CFI: variants seen among roughly 807,000 people sequenced by gnomAD.
CFI encodes C3B/C4B inactivator.
Under a neutral mutation model 78.8 loss-of-function variants are expected in CFI, and 66 were observed. That is an observed-to-expected ratio of 0.84 (90% confidence interval 0.69 to 1.03). CFI has a LOEUF of 1.03. Ranked by LOEUF, CFI falls within the 50% of genes least tolerant of loss-of-function variation. CFI has a pLI of 0.00. For synonymous variants in CFI, 250 were observed against 232.6 expected, an observed-to-expected ratio of 1.07 and a Z score of -0.68; for missense variants, 706 against 704.5, an observed-to-expected ratio of 1.00 and a Z score of -0.02.
At position 109,761,688 on chromosome 4, in the gene CFI, C is replaced by T. The variant is rs746699829; in HGVS notation, c.487G>A (p.Ala163Thr). Residue 163 changes from alanine to threonine, a missense_variant, in exon 4 of 13, where the codon GCT (alanine) becomes ACT (threonine). Transcript: ENST00000394634. ...AACTTAAACCTTCTTTGAGTATCAG[C>T]ACCTCTGCAAATAGAATAAAGGAAA... Reference protein sequence around the residue: ...ACLDLGFQQGADTQRRFKLSD... With the variant: ...ACLDLGFQQGTDTQRRFKLSD... 1 of 1,609,734 alleles carries T rather than the reference C, an allele frequency of 6.2e-7. No individual in the cohort carries two copies. Among genetic ancestry groups the T allele is most frequent in the East Asian group, 2.2e-5 (1 of 44,844 alleles).
At chr4:109,779,733 A>G (rs1291020680) in intron 1 of CFI, among the ~76,000 whole-genome samples, 1 of 152,184 alleles carries the variant, frequency 6.6e-6, no homozygotes, top group Non-Finnish European at 1.5e-5. Context: ...ACTTCAAACT[A>G]TACTACAAGT....
intron 10 of CFI, among the ~76,000 whole-genome samples, chr4:109,748,681 T>TG (rs1229846574): frequency 6.6e-6 from 1 of 151,846 alleles, no homozygotes; most frequent in Non-Finnish European, 1.5e-5. Flanking sequence ...AGAGTAGAGG[T>TG]GGTGGAACAG....
At chr4:109,794,027 A>T (rs962305910) in intron 1 of CFI, 5 of 152,204 alleles carry the variant, frequency 3.3e-5, no homozygotes, top group Admixed American at 3.3e-4. Context: ...GCTGCTGCTA[A>T]TCTTACGGAA....
At position 109,801,984 on chromosome 4, in the gene CFI, C is replaced by A; in HGVS notation, c.-13G>T. On this transcript the variant is annotated 5_prime_UTR_variant, in exon 1 of 13. Transcript: ENST00000394634. The stretch of plus-strand genomic sequence containing the variant: ...GAAGAAGCTTCATGTTGGAGGTGTT[C>A]GGGGTCTTTGTCTCTGCTGAGAACT... The A allele has an allele frequency of 6.2e-7, 1 of 1,608,252 alleles. No homozygotes were observed. The highest frequency in any genetic ancestry group is 1.1e-5 in the South Asian group (1 of 90,830).
chr4:109,746,530 A>G lies in CFI; in HGVS notation c.1149-28T>C, dbSNP rs376512269. ...ATAACAGAAAAAAAAAGGAAATAAA[A>G]TATATTGAGAAAAAATATAAATAGG... On this transcript the variant is annotated intron_variant, in intron 10 of 12. Transcript: ENST00000394634. 138 of 1,511,218 alleles carry G rather than the reference A, an allele frequency of 9.1e-5. No homozygotes were observed. The African/African-American group carries it at 1.6e-3, about 18-fold the overall frequency. 93.6% of individuals were successfully genotyped at this position (1,511,218 alleles called of 1,614,324 possible). A position where few individuals can be genotyped will look rare whatever the true frequency, so the allele number is the denominator to read the frequency against.
chr4:109,759,202 C>T (rs906767609), intron 6 of CFI, among the ~76,000 whole-genome samples: 3 of 151,474 alleles, frequency 2.0e-5, no homozygotes, highest in Admixed American at 2.0e-4. Context: ...ATAATCAAGT[C>T]TCTCTAAATC....
At chr4:109,758,782 T>C (rs750004057) in intron 6 of CFI, among the ~76,000 whole-genome samples, 2 of 152,194 alleles carry the variant, frequency 1.3e-5, no homozygotes, top group Admixed American at 6.5e-5. Flanking sequence ...AGGAAATACA[T>C]GCAAGACTCA....
intron 4 of CFI, 122 bp from the exon 5 acceptor site, chr4:109,760,758 C>T (rs927302190): frequency 9.1e-5 from 64 of 706,680 alleles, no homozygotes; most frequent in African/African-American, 7.6e-4. Flanking sequence ...ATGTATAAAA[C>T]GTATTGGTAT....
chr4:109,739,649 T>G (rs1217663017), downstream of CFI, among the ~76,000 whole-genome samples: 1 of 152,184 alleles, frequency 6.6e-6, no homozygotes, highest in East Asian at 1.9e-4. Context: ...TATACTAGTG[T>G]TCAGTGGCAT....
In CFI at chr4:109,746,256, A is replaced by G; in HGVS notation, c.1395T>C (p.Asp465=). The G allele has an allele frequency of 6.2e-7, 1 of 1,614,172 alleles. No homozygotes were observed. The highest frequency in any genetic ancestry group is 8.5e-7 in the Non-Finnish European group (1 of 1,180,022). The stretch of plus-strand genomic sequence containing the variant: ...GTCCCCAGCCAGAAACGATGCATGT[A>G]TCATTAGGTTGGAATAGGTAAGGAG... The part of the protein sequence containing the change: ...PWSPYLFQPN[D]TCIVSGWGRE... The change falls in exon 11 of 13, where the codon GAT becomes GAC. Residue 465 remains aspartate (D), a synonymous_variant. Transcript: ENST00000394634.
chr4:109,742,576 T>C lies in CFI; in HGVS notation c.1449A>G (p.Ser483=), dbSNP rs1723938165. 1.2e-6 allele frequency: 2 copies of C among 1,610,900 alleles called. No homozygotes were observed. The highest frequency in any genetic ancestry group is 1.7e-6 in the Non-Finnish European group (2 of 1,177,118). Residue 483 remains serine (S), a synonymous_variant, in exon 12 of 13, where the codon TCA becomes TCG. Coordinates refer to ENST00000394634, the MANE Select transcript of CFI (RefSeq NM_000204.5). ...TTAGTTTAACTTCACCCCACTGAAG[T>C]GAAAAGACTCTTTCGTTATCTAAAC... The part of the protein sequence containing the change: ...GREKDNERVF[S]LQWGEVKLIS...
chr4:109,747,716 C>T (rs1021886898), intron 10 of CFI, among the ~76,000 whole-genome samples: 1 of 152,102 alleles, frequency 6.6e-6, no homozygotes, highest in Non-Finnish European at 1.5e-5. Flanking sequence ...TTATTTATAT[C>T]AGTGTTCCTC....
intron 11 of CFI, 134 bp downstream of exon 11, chr4:109,746,088 C>A (rs1331982880): frequency 2.7e-6 from 3 of 1,092,702 alleles, no homozygotes; most frequent in Non-Finnish European, 4.0e-6. Flanking sequence ...TGAAGCCAGC[C>A]ATGGCTGGAT....
intron 1 of CFI, among the ~76,000 whole-genome samples, chr4:109,777,467 C>T (rs1413413524): frequency 1.3e-5 from 2 of 152,086 alleles, no homozygotes; most frequent in African/African-American, 2.4e-5. Flanking sequence ...TACAGGAACA[C>T]CCAGATTCAT....
chr4:109,746,859 G>T (rs904880852), intron 10 of CFI, among the ~76,000 whole-genome samples: 4 of 152,144 alleles, frequency 2.6e-5, no homozygotes, highest in African/African-American at 9.7e-5. Flanking sequence ...ATGTAGTTAA[G>T]GAACTAGGGA....
chr4:109,760,459 T>C lies in CFI; in HGVS notation c.772+64A>G. The stretch of plus-strand genomic sequence containing the variant: ...TACAATATAAAATTCAATAGTAAAG[T>C]TGCTTTTCCTCTTTTAGTCAGAAAA... On this transcript the variant is annotated intron_variant, in intron 5 of 12. Transcript: ENST00000394634. 3 of 1,491,874 alleles carry C rather than the reference T, an allele frequency of 2.0e-6. No homozygotes were observed. The East Asian group carries it at 6.8e-5, about 34-fold the overall frequency. 92.4% of individuals were successfully genotyped at this position (1,491,874 alleles called of 1,614,324 possible).
chr4:109,732,577 G>T, the CFI span, among the ~76,000 whole-genome samples: 1 of 152,122 alleles, frequency 6.6e-6, no homozygotes, highest in Non-Finnish European at 1.5e-5. Context: ...CAAGGTGATG[G>T]CCGGGTGCGG....
At chr4:109,800,682 A>T (rs927416075) in intron 1 of CFI, among the ~76,000 whole-genome samples, 4 of 152,146 alleles carry the variant, frequency 2.6e-5, no homozygotes, top group African/African-American at 7.2e-5. Context: ...CAATGATAGC[A>T]ACTATTAACT....
chr4:109,756,139 G>T (rs1169971770), intron 7 of CFI, among the ~76,000 whole-genome samples: 1 of 152,110 alleles, frequency 6.6e-6, no homozygotes, highest in Non-Finnish European at 1.5e-5. Flanking sequence ...CTGAAAAATG[G>T]TTGCCTATTG....
Sources: allele counts gnomAD v4.1 joint callset (sites outside exome capture counted in the v4.1 genomes callset), GRCh38; gene constraint gnomAD v4.1.1; transcripts MANE v1.5; gene names NCBI Gene and HGNC (gene_info 2026-07-23, HGNC 2026-07-21).